SYT1: variants seen among roughly 807,000 people sequenced by gnomAD.
SYT1 encodes the protein synaptotagmin 1, also known as synaptotagmin-1.
Under a neutral mutation model 44.8 loss-of-function variants are expected in SYT1, and 8 were observed. The observed-to-expected ratio is 0.18, with a 90% CI of 0.10 to 0.32. The LOEUF is 0.32. SYT1 is among the 10% of genes least tolerant of loss of function. The probability of loss-of-function intolerance (pLI) is 1.00; values close to 1 mark genes in which losing one functional copy is unlikely to be tolerated. For synonymous variants in SYT1, 154 were observed against 188.8 expected, an observed-to-expected ratio of 0.82 and a Z score of 1.51; for missense variants, 286 against 509.3, an observed-to-expected ratio of 0.56 and a Z score of 4.22.
chr12:79,451,777 A>G lies in SYT1; in HGVS notation c.*2653A>G, dbSNP rs1048860324. 3 of 152,090 alleles carry G rather than the reference A, an allele frequency of 2.0e-5. No individual in the cohort carries two copies. Among genetic ancestry groups the G allele is most frequent in the African/African-American group, 7.2e-5 (3 of 41,406 alleles). 9.4% of individuals were successfully genotyped at this position (152,090 alleles called of 1,614,324 possible). A position where few individuals can be genotyped will look rare whatever the true frequency, so the allele number is the denominator to read the frequency against. On this transcript the variant is annotated 3_prime_UTR_variant, in exon 11 of 11. Transcript: ENST00000261205. ...ATTTACTGCCTGCTTGAGTGTTTCT[A>G]TGTGTGGGTTTTCCCTGTATCTTGT...
At chr12:79,419,441 C>A in intron 9 of SYT1, 1 of 348,620 alleles carries the variant, frequency 2.9e-6, no homozygotes, top group Non-Finnish European at 5.8e-6. Flanking sequence ...ATCACACTGG[C>A]TAACAAAGGA....
chr12:78,997,829 C>A (rs1053883573), intron 2 of SYT1, among the ~76,000 whole-genome samples: 3 of 152,124 alleles, frequency 2.0e-5, no homozygotes, highest in Non-Finnish European at 4.4e-5. Flanking sequence ...CCAGCAGCCT[C>A]ATGGAAAGAG....
At chr12:79,141,129 T>G (rs1869531604) in intron 3 of SYT1, among the ~76,000 whole-genome samples, 1 of 152,234 alleles carries the variant, frequency 6.6e-6, no homozygotes, top group Non-Finnish European at 1.5e-5. Context: ...AGTTCAGTAT[T>G]GTTTTTAATT....
chr12:78,991,004 C>A (rs893620352), intron 2 of SYT1, among the ~76,000 whole-genome samples: 4 of 152,082 alleles, frequency 2.6e-5, no homozygotes, highest in Non-Finnish European at 5.9e-5. Context: ...TAAGGCACAG[C>A]AGTTTCAAGA....
chr12:79,002,418 T>G (rs1330697975), intron 2 of SYT1, among the ~76,000 whole-genome samples: 1 of 152,120 alleles, frequency 6.6e-6, no homozygotes, highest in East Asian at 1.9e-4. Context: ...GATTTCAACA[T>G]GAAATATTCC....
intron 2 of SYT1, among the ~76,000 whole-genome samples, chr12:78,994,820 C>A (rs1226182229): frequency 6.6e-6 from 1 of 152,200 alleles, no homozygotes; most frequent in Non-Finnish European, 1.5e-5. Flanking sequence ...CAGGCGTGAG[C>A]CACTGTGCCC....
chr12:78,941,065 C>CTTTT (rs398044555), intron 1 of SYT1, among the ~76,000 whole-genome samples: 4 of 68,440 alleles, frequency 5.8e-5, no homozygotes, highest in South Asian at 6.4e-4. Context: ...CTTTTTTTTT[C>CTTTT]TTTTTTTTTT....
chr12:79,300,453 G>A (rs1880083062), intron 8 of SYT1, among the ~76,000 whole-genome samples: 1 of 151,942 alleles, frequency 6.6e-6, no homozygotes, highest in Non-Finnish European at 1.5e-5. Flanking sequence ...GGGTCACCAG[G>A]GAGATCAGAG....
At chr12:79,364,168 A>G (rs1489664333) in intron 9 of SYT1, among the ~76,000 whole-genome samples, 1 of 152,060 alleles carries the variant, frequency 6.6e-6, no homozygotes, top group Admixed American at 6.6e-5. Flanking sequence ...AATTCTTAAA[A>G]CCAATTGGTT....
intron 3 of SYT1, among the ~76,000 whole-genome samples, chr12:79,138,180 A>G (rs1686110352): frequency 6.6e-6 from 1 of 152,228 alleles, no homozygotes; most frequent in African/African-American, 2.4e-5. Context: ...TTAAATATTT[A>G]ACTCCCATCT....
At chr12:79,447,455 A>G (rs1327154573) in intron 10 of SYT1, among the ~76,000 whole-genome samples, 2 of 152,206 alleles carry the variant, frequency 1.3e-5, no homozygotes, top group Non-Finnish European at 2.9e-5. Context: ...ATGTAGAAAT[A>G]AACTACATAT....
chr12:79,035,808 G>T, intron 2 of SYT1, among the ~76,000 whole-genome samples: 1 of 151,698 alleles, frequency 6.6e-6, no homozygotes, highest in African/African-American at 2.4e-5. Flanking sequence ...TGTAGCTTCA[G>T]TTGCTTGTAA....
chr12:79,118,689 G>A (rs1054639160), intron 3 of SYT1, among the ~76,000 whole-genome samples: 55 of 152,146 alleles, frequency 3.6e-4, no homozygotes, highest in African/African-American at 1.2e-3. Flanking sequence ...AAATGAAGTC[G>A]TTATTATCTG....
intron 8 of SYT1, among the ~76,000 whole-genome samples, chr12:79,339,349 A>C (rs1408072182): frequency 6.6e-6 from 1 of 152,168 alleles, no homozygotes; most frequent in Non-Finnish European, 1.5e-5. Context: ...CTGACTTTTT[A>C]ATGATCGCCA....
At chr12:79,093,244 A>T (rs1877898257) in intron 3 of SYT1, among the ~76,000 whole-genome samples, 1 of 151,718 alleles carries the variant, frequency 6.6e-6, no homozygotes, top group Non-Finnish European at 1.5e-5. Context: ...CTTAATTTTG[A>T]TTTGGAGAAG....
chr12:79,359,245 G>C (rs1883228938), intron 9 of SYT1, among the ~76,000 whole-genome samples: 1 of 152,128 alleles, frequency 6.6e-6, no homozygotes, highest in Non-Finnish European at 1.5e-5. Flanking sequence ...ATATGGTAAA[G>C]GGCTGAAATC....
chr12:79,249,093 T>A (rs1047099916), intron 4 of SYT1, among the ~76,000 whole-genome samples: 1 of 99,758 alleles, frequency 1.0e-5, no homozygotes, highest in Non-Finnish European at 2.0e-5. Flanking sequence ...TCTTTCTTTT[T>A]TTTTTTTTTT....
Position 78,955,349 on chromosome 12 carries a change from A to C in SYT1, c.-216-22450A>C, listed in dbSNP as rs2137311576. ...CACCAGTTGTGCCTCAGGGAAAAGCATATGCTTACTTGTCACATAGATTTT... is the reference window on the plus strand; with the variant it reads ...CACCAGTTGTGCCTCAGGGAAAAGCCTATGCTTACTTGTCACATAGATTTT... On this transcript the variant is annotated intron_variant, in intron 1 of 10. Coordinates refer to ENST00000261205, the MANE Select transcript of SYT1 (RefSeq NM_005639.3). 2.0e-5 allele frequency: 3 copies of C among 152,290 alleles called. No individual in the cohort carries two copies. The South Asian group carries it at 6.2e-4, about 32-fold the overall frequency. 9.4% of individuals were successfully genotyped at this position (152,290 alleles called of 1,614,324 possible). A position where few individuals can be genotyped will look rare whatever the true frequency, so the allele number is the denominator to read the frequency against.
At chr12:79,371,007 A>G (rs965505867) in intron 9 of SYT1, among the ~76,000 whole-genome samples, 6 of 152,188 alleles carry the variant, frequency 3.9e-5, no homozygotes, top group African/African-American at 1.4e-4. Context: ...TTTCCTTAAG[A>G]TAATACGAAT....
Sources: allele counts gnomAD v4.1 joint callset (sites outside exome capture counted in the v4.1 genomes callset), GRCh38; gene constraint gnomAD v4.1.1; transcripts MANE v1.5; gene names NCBI Gene and HGNC (gene_info 2026-07-23, HGNC 2026-07-21).